Variants in GALNT12 observed in about 807,000 individuals in gnomAD.
The protein encoded by GALNT12 is polypeptide N-acetylgalactosaminyltransferase 12.
GALNT12 carries 45 observed loss-of-function variants against 55.5 expected under a neutral mutation model. The ratio of observed to expected loss-of-function variants is 0.81; its 90% confidence interval spans 0.64 to 1.04. GALNT12 has a LOEUF of 1.04. Ranked by LOEUF, GALNT12 falls within the 50% of genes least tolerant of loss-of-function variation. The pLI is 0.00. For synonymous variants in GALNT12, 304 were observed against 312.2 expected, an observed-to-expected ratio of 0.97 and a Z score of 0.28; for missense variants, 709 against 754.8, an observed-to-expected ratio of 0.94 and a Z score of 0.71.
At chr9:98,824,380 A>G (rs1215320546) in intron 2 of GALNT12, among the ~76,000 whole-genome samples, 1 of 152,074 alleles carries the variant, frequency 6.6e-6, no homozygotes, top group Non-Finnish European at 1.5e-5. Flanking sequence ...ACTCTGGTCA[A>G]CCAGAAGACT....
At chr9:98,838,298 C>A (rs1836204101) in intron 6 of GALNT12, among the ~76,000 whole-genome samples, 1 of 152,200 alleles carries the variant, frequency 6.6e-6, no homozygotes, top group African/African-American at 2.4e-5. Flanking sequence ...GGAAACCCCC[C>A]CACCGCCAGC....
chr9:98,820,719 T>C (rs1413149622), intron 1 of GALNT12, among the ~76,000 whole-genome samples: 1 of 152,220 alleles, frequency 6.6e-6, no homozygotes, highest in East Asian at 1.9e-4. Flanking sequence ...CCAACAACAG[T>C]GTAAAAGCTT....
chr9:98,809,819 CTG>C (rs1372651873), intron 1 of GALNT12, among the ~76,000 whole-genome samples: 2 of 152,204 alleles, frequency 1.3e-5, no homozygotes, highest in Non-Finnish European at 2.9e-5. Flanking sequence ...CTTTGAAACA[CTG>C]TGGACAATCT....
At chr9:98,842,096 G>GGCTCA (rs1564261651) in intron 7 of GALNT12, among the ~76,000 whole-genome samples, 2 of 149,730 alleles carry the variant, frequency 1.3e-5, no homozygotes, top group Middle Eastern at 3.4e-3. Flanking sequence ...GTGGCTCATT[G>GGCTCA]TTTTTTTTGG....
chr9:98,842,349 A>G lies in GALNT12; in HGVS notation c.1345-1747A>G, dbSNP rs1333978550. Among the ~76,000 whole-genome samples the G allele has an allele frequency of 2.0e-5, 3 of 151,610 alleles. No homozygotes were observed. In the East Asian group the frequency reaches 5.9e-4, roughly 30 times the overall value. ...AGGTGAGCACCACCACACCTGGCTA[A>G]TTTTTTATTTTTATTTTTAGTAAAG... On this transcript the variant is annotated intron_variant, in intron 7 of 9. Coordinates refer to ENST00000375011, the MANE Select transcript of GALNT12 (RefSeq NM_024642.5).
At position 98,823,385 on chromosome 9, in the gene GALNT12, G is replaced by A. The variant is rs200879096; in HGVS notation, c.501G>A (p.Leu167=). 1 of 1,614,218 alleles carries A rather than the reference G, an allele frequency of 6.2e-7. No homozygotes were observed. The highest frequency in any genetic ancestry group is 8.5e-7 in the Non-Finnish European group (1 of 1,180,020). The change falls in exon 2 of 10, where the codon CTG becomes CTA. Residue 167 remains leucine, a synonymous_variant. Coordinates refer to ENST00000375011, the MANE Select transcript of GALNT12 (RefSeq NM_024642.5). ...TCCTTGAGACATCCCCGGATATCCT[G>A]CTAGAAGAAGTGATCCTTGTAGATG... ...YSVLETSPDI[L]LEEVILVDDY...
At chr9:98,819,993 G>A (rs1835699285) in intron 1 of GALNT12, among the ~76,000 whole-genome samples, 1 of 152,178 alleles carries the variant, frequency 6.6e-6, no homozygotes, top group Admixed American at 6.5e-5. Flanking sequence ...CATCAATTCA[G>A]AGGCACATTT....
At chr9:98,843,871 CT>C (rs1836353702) in intron 7 of GALNT12, among the ~76,000 whole-genome samples, 1 of 152,198 alleles carries the variant, frequency 6.6e-6, no homozygotes, top group Non-Finnish European at 1.5e-5. Flanking sequence ...GTTTATCTCT[CT>C]GGTCCTCAGG....
At chr9:98,833,416 G>A (rs1415928040) in intron 4 of GALNT12, among the ~76,000 whole-genome samples, 1 of 152,176 alleles carries the variant, frequency 6.6e-6, no homozygotes, top group African/African-American at 2.4e-5. Context: ...GAGATGGGCG[G>A]GGCCAAGGGA....
chr9:98,809,101 T>G (rs572334396), intron 1 of GALNT12, among the ~76,000 whole-genome samples: 5 of 152,314 alleles, frequency 3.3e-5, no homozygotes, highest in Non-Finnish European at 7.4e-5. Flanking sequence ...GTGGTAGGAC[T>G]GGTCTGGAGG....
intron 6 of GALNT12, among the ~76,000 whole-genome samples, chr9:98,838,010 T>C (rs1487531625): frequency 6.6e-6 from 1 of 152,232 alleles, no homozygotes; most frequent in East Asian, 1.9e-4. Context: ...GCATTGTCCA[T>C]GTGTTTTGGT....
intron 7 of GALNT12, among the ~76,000 whole-genome samples, chr9:98,843,233 T>C (rs567069486): frequency 6.6e-6 from 1 of 152,330 alleles, no homozygotes; most frequent in African/African-American, 2.4e-5. Context: ...ATTTTCTTTA[T>C]CCTAAAATAT....
intron 3 of GALNT12, among the ~76,000 whole-genome samples, chr9:98,829,855 T>C (rs891458148): frequency 6.6e-5 from 10 of 152,230 alleles, no homozygotes; most frequent in African/African-American, 2.4e-4. Flanking sequence ...GTACCACATA[T>C]CCTTTATCCA....
rs573308325 is a variant in GALNT12, at chr9:98,809,807, C to G, written c.371+1738C>G. Among the ~76,000 whole-genome samples the G allele has an allele frequency of 5.9e-5, 9 of 152,264 alleles. No homozygotes were observed. In the South Asian group the frequency reaches 1.9e-3, roughly 32 times the overall value. On this transcript the variant is annotated intron_variant, in intron 1 of 9. Transcript: ENST00000375011. ...CTTTATTGTCGCAGGTTGTGAATAT[C>G]TCTTTGAAACACTGTGGACAATCTG...
At chr9:98,828,934 A>T (rs1233335672) in intron 3 of GALNT12, among the ~76,000 whole-genome samples, 2 of 151,918 alleles carry the variant, frequency 1.3e-5, no homozygotes, top group Non-Finnish European at 2.9e-5. Context: ...AGTTCAAGTG[A>T]TTCTCCTGCC....
chr9:98,810,920 A>G, intron 1 of GALNT12, among the ~76,000 whole-genome samples: 1 of 152,226 alleles, frequency 6.6e-6, no homozygotes, highest in East Asian at 1.9e-4. Flanking sequence ...TAAGTAAGTC[A>G]GTAAGCATAG....
chr9:98,816,542 C>A (rs1835615648), intron 1 of GALNT12, among the ~76,000 whole-genome samples: 1 of 152,022 alleles, frequency 6.6e-6, no homozygotes, highest in South Asian at 2.1e-4. Context: ...AATTATTTCT[C>A]TTGAACTTGT....
rs1836364174 is a variant in GALNT12 at position 98,844,305 on chromosome 9, A to T, written c.1458+96A>T. ...CTTGTAAAAGTAATATTTGGGAAAT[A>T]TAAAAAGTAGAAGCCTAGGGTGGCC... On this transcript the variant is annotated intron_variant, in intron 8 of 9. Coordinates refer to ENST00000375011, the MANE Select transcript of GALNT12 (RefSeq NM_024642.5). 6.9e-6 allele frequency: 6 copies of T among 866,034 alleles called. No individual in the cohort carries two copies. In the East Asian group the frequency reaches 1.6e-4, roughly 23 times the overall value. 53.6% of individuals were successfully genotyped at this position (866,034 alleles called of 1,614,324 possible).
intron 1 of GALNT12, among the ~76,000 whole-genome samples, chr9:98,814,689 GAA>G (rs776065355): frequency 7.5e-5 from 10 of 133,352 alleles, no homozygotes; most frequent in Admixed American, 7.5e-5. Context: ...CAGCCTGGGT[GAA>G]AAAAAAAAAA....
Sources: allele counts gnomAD v4.1 joint callset (sites outside exome capture counted in the v4.1 genomes callset), GRCh38; gene constraint gnomAD v4.1.1; transcripts MANE v1.5; gene names NCBI Gene and HGNC (gene_info 2026-07-23, HGNC 2026-07-21).